NRXN3: variants seen among roughly 807,000 people sequenced by gnomAD.
The protein encoded by NRXN3 is neurexin 3, also known as neurexin III.
Under a neutral mutation model 137.6 loss-of-function variants are expected in NRXN3, and 32 were observed. The ratio of observed to expected loss-of-function variants is 0.23; its 90% confidence interval spans 0.18 to 0.31. NRXN3 has a LOEUF of 0.31. Ranked by LOEUF, NRXN3 falls within the 10% of genes least tolerant of loss-of-function variation. NRXN3 has a pLI of 1.00. For missense variants in NRXN3, 1,574 were observed against 2,062.5 expected, an observed-to-expected ratio of 0.76 and a Z score of 4.59; for synonymous variants, 798 against 784.5, an observed-to-expected ratio of 1.02 and a Z score of -0.29.
chr14:78,192,072 G>A (rs2060792400), intron 1 of NRXN3, among the ~76,000 whole-genome samples: 1 of 50,798 alleles, frequency 2.0e-5, no homozygotes, highest in African/African-American at 8.4e-5. Context: ...GAAAGTGTGT[G>A]TGTGTGTGTG....
chr14:78,504,478 C>A (rs997973643), intron 4 of NRXN3, among the ~76,000 whole-genome samples: 5 of 151,938 alleles, frequency 3.3e-5, no homozygotes, highest in African/African-American at 1.2e-4. Flanking sequence ...GTCTTTAACT[C>A]CATGATGTTC....
intron 15 of NRXN3, among the ~76,000 whole-genome samples, chr14:79,368,116 A>G (rs1285320685): frequency 1.3e-5 from 2 of 152,224 alleles, no homozygotes; most frequent in Non-Finnish European, 2.9e-5. Context: ...ATAAAAGGAC[A>G]TATTAGGAGC....
chr14:78,661,529 G>C (rs1167983349), intron 6 of NRXN3, among the ~76,000 whole-genome samples: 1 of 152,232 alleles, frequency 6.6e-6, no homozygotes, highest in Non-Finnish European at 1.5e-5. Flanking sequence ...AGAGACATAA[G>C]AGAACATGGC....
chr14:78,321,986 G>A (rs957282665), intron 4 of NRXN3, among the ~76,000 whole-genome samples: 5 of 151,840 alleles, frequency 3.3e-5, no homozygotes, highest in Non-Finnish European at 2.9e-5. Context: ...CCCTACTTTG[G>A]ACTGTTCACC....
chr14:79,188,993 TCTAGAA>T (rs879510967), intron 15 of NRXN3, among the ~76,000 whole-genome samples: 11 of 152,082 alleles, frequency 7.2e-5, no homozygotes, highest in Non-Finnish European at 1.0e-4. Context: ...TCTTCAGGGA[TCTAGAA>T]CTAGAAATAC....
At chr14:79,383,988 G>T (rs754232373) in intron 15 of NRXN3, among the ~76,000 whole-genome samples, 7 of 151,990 alleles carry the variant, frequency 4.6e-5, no homozygotes, top group Admixed American at 1.3e-4. Context: ...ATTTCATTAT[G>T]CTGGAAGTCC....
At chr14:78,234,560 A>T (rs1031035349) in intron 1 of NRXN3, among the ~76,000 whole-genome samples, 2 of 152,136 alleles carry the variant, frequency 1.3e-5, no homozygotes, top group Non-Finnish European at 2.9e-5. Context: ...CCACTACATT[A>T]TCCCGCCTGC....
At chr14:78,851,955 AC>A (rs1392268949) in intron 10 of NRXN3, among the ~76,000 whole-genome samples, 4 of 152,142 alleles carry the variant, frequency 2.6e-5, no homozygotes. Flanking sequence ...ACCTTAATAG[AC>A]CTTTATTTTA....
intron 4 of NRXN3, among the ~76,000 whole-genome samples, chr14:78,478,253 A>C (rs2095413846): frequency 6.6e-6 from 1 of 152,192 alleles, no homozygotes. Context: ...AGTATGAGCC[A>C]GTATACGCTT....
At chr14:79,763,552 C>T (rs918656077) in intron 19 of NRXN3, among the ~76,000 whole-genome samples, 2 of 151,538 alleles carry the variant, frequency 1.3e-5, no homozygotes, top group South Asian at 2.1e-4. Flanking sequence ...TAACAAAATG[C>T]CACAAAGTTA....
chr14:79,601,208 A>G (rs1361968571), intron 16 of NRXN3, among the ~76,000 whole-genome samples: 2 of 150,982 alleles, frequency 1.3e-5, no homozygotes, highest in Non-Finnish European at 3.0e-5. Flanking sequence ...ACGCCCAACT[A>G]ATTTTTGTAT....
At chr14:78,194,226 C>T (rs563911727) in intron 1 of NRXN3, among the ~76,000 whole-genome samples, 130 of 152,290 alleles carry the variant, frequency 8.5e-4, no homozygotes, top group South Asian at 2.3e-3. Context: ...TGATAGGCAA[C>T]GTGGTGTTTG....
chr14:79,258,649 C>T (rs2077116779), intron 15 of NRXN3, among the ~76,000 whole-genome samples: 2 of 152,182 alleles, frequency 1.3e-5, no homozygotes, highest in African/African-American at 4.8e-5. Context: ...CTCTGAGGGT[C>T]AGTTCTTCCA....
intron 6 of NRXN3, among the ~76,000 whole-genome samples, chr14:78,701,812 C>A (rs928943364): frequency 6.6e-6 from 1 of 152,226 alleles, no homozygotes; most frequent in Admixed American, 6.5e-5. Flanking sequence ...CATTTTCTGG[C>A]TCCTGCCTTG....
At chr14:79,137,742 G>A (rs2058389712) in intron 15 of NRXN3, among the ~76,000 whole-genome samples, 1 of 152,030 alleles carries the variant, frequency 6.6e-6, no homozygotes, top group South Asian at 2.1e-4. Context: ...AAAAATGACA[G>A]AGCTATTTAA....
chr14:79,725,692 T>C (rs778248926), intron 19 of NRXN3, among the ~76,000 whole-genome samples: 6 of 152,214 alleles, frequency 3.9e-5, no homozygotes, highest in Non-Finnish European at 5.9e-5. Flanking sequence ...CAGTGAAATA[T>C]TGAAATAAGC....
At chr14:78,649,898 A>C (rs1381393798) in intron 5 of NRXN3, among the ~76,000 whole-genome samples, 1 of 152,122 alleles carries the variant, frequency 6.6e-6, no homozygotes, top group Non-Finnish European at 1.5e-5. Flanking sequence ...TCTCCATACA[A>C]ACTCTGCATG....
chr14:78,801,096 C>T (rs543917421), intron 8 of NRXN3, among the ~76,000 whole-genome samples: 5 of 152,180 alleles, frequency 3.3e-5, no homozygotes, highest in Admixed American at 6.5e-5. Flanking sequence ...CCAAGGAGGG[C>T]GGATCAAGAG....
At chr14:78,177,191 C>T (rs1413043618) in intron 1 of NRXN3, among the ~76,000 whole-genome samples, 4 of 152,124 alleles carry the variant, frequency 2.6e-5, no homozygotes, top group Admixed American at 6.5e-5. Flanking sequence ...TTCTTTCTCA[C>T]GAAGGGAAGC....
Sources: gnomAD v4.1 joint callset for allele counts (sites outside exome capture counted in the v4.1 genomes callset) on GRCh38, gnomAD v4.1.1 for gene constraint, MANE v1.5 for transcripts, NCBI Gene and HGNC (gene_info 2026-07-23, HGNC 2026-07-21) for gene names.